The following ATP1A3 variants were observed in gnomAD, a reference collection of about 807,000 sequenced individuals.
The protein encoded by ATP1A3 is sodium/potassium-transporting ATPase subunit alpha-3.
ATP1A3 carries 12 observed loss-of-function variants against 108.8 expected under a neutral mutation model. The ratio of observed to expected loss-of-function variants is 0.11; its 90% CI spans 0.07 to 0.18. The LOEUF (loss-of-function observed/expected upper bound fraction) is 0.18. ATP1A3 is among the 10% of genes least tolerant of loss of function. The pLI is 1.00. For missense variants in ATP1A3, 498 were observed against 1,387.7 expected (o/e 0.36, Z 10.19); for synonymous variants, 539 against 564.5 (o/e 0.95, Z 0.64).
chr19:41,967,559 G>C lies in ATP1A3; in HGVS notation c.2921+103C>G, dbSNP rs2075057006. On this transcript the variant is annotated intron_variant, in intron 21 of 22. Coordinates refer to ENST00000648268, the MANE Select transcript of ATP1A3 (RefSeq NM_152296.5). The surrounding 1 kb of genome is among the most constrained non-coding windows in gnomAD (Gnocchi z 4.2). ...GGGGCATCAGAATGGGGACTGCAGT[G>C]GGGACACCAGGGGAGGTGGGGCCTG... The C allele has an allele frequency of 8.5e-6, 11 of 1,295,436 alleles. No homozygotes were observed. The highest frequency in any genetic ancestry group is 1.2e-5 in the Non-Finnish European group (11 of 916,878). The allele number at this position is 1,295,436 out of a possible 1,614,324, so 80.2% of individuals were successfully genotyped here.
At chr19:41,970,570 C>T (rs199858430) in intron 16 of ATP1A3, 28 bp from the exon 17 acceptor site, 53 of 1,610,850 alleles carry the variant, frequency 3.3e-5, no homozygotes, top group South Asian at 8.8e-5. Flanking sequence ...TCAGAGCAGG[C>T]GCCCATGCCA....
At position 41,975,201 on chromosome 19, in the gene ATP1A3, G is replaced by A. The variant is rs535655132; in HGVS notation, c.2263+428C>T. ...CGAGTAGCTGGGACTACAGGCAACCGCCACAATGCCCGGCTAATTTTTTGT... is the reference window on the plus strand; with the variant it reads ...CGAGTAGCTGGGACTACAGGCAACCACCACAATGCCCGGCTAATTTTTTGT... On this transcript the variant is annotated intron_variant, in intron 16 of 22. Coordinates refer to ENST00000648268, the MANE Select transcript of ATP1A3 (RefSeq NM_152296.5). Among the ~76,000 whole-genome samples, 14 of 152,268 alleles carry A rather than the reference G, an allele frequency of 9.2e-5. No individual in the cohort carries two copies. The East Asian group carries it at 2.1e-3, about 23-fold the overall frequency.
intron 16 of ATP1A3, among the ~76,000 whole-genome samples, chr19:41,971,623 A>G (rs2075110760): frequency 1.3e-5 from 2 of 152,184 alleles, no homozygotes; most frequent in African/African-American, 4.8e-5. Flanking sequence ...TCCCGTGCTG[A>G]GTGACACGAG....
At chr19:41,970,832 C>T (rs950481337) in intron 16 of ATP1A3, among the ~76,000 whole-genome samples, 7 of 151,784 alleles carry the variant, frequency 4.6e-5, no homozygotes, top group African/African-American at 1.5e-4. Context: ...CGGGGTTTCA[C>T]TGTGTTAGCC....
intron 8 of ATP1A3, among the ~76,000 whole-genome samples, chr19:41,982,898 G>C (rs1238533852): frequency 1.3e-5 from 2 of 152,088 alleles, no homozygotes; most frequent in Non-Finnish European, 2.9e-5. Context: ...GGGTTGGGGG[G>C]CAGGGGCTAA....
chr19:41,984,661 T>G, intron 8 of ATP1A3: 2 of 457,478 alleles, frequency 4.4e-6, no homozygotes, highest in East Asian at 3.5e-5. Context: ...CTTTCTTTGA[T>G]TGTTTGCTTT....
At chr19:41,971,020 A>G (rs1477333365) in intron 16 of ATP1A3, among the ~76,000 whole-genome samples, 2 of 151,436 alleles carry the variant, frequency 1.3e-5, no homozygotes, top group Non-Finnish European at 2.9e-5. Flanking sequence ...GCTGCAGTGC[A>G]GTGGCATGAT....
At chr19:41,993,851 G>T (rs1555868143) in intron 1 of ATP1A3, 1 of 840,102 alleles carries the variant, frequency 1.2e-6, no homozygotes, top group African/African-American at 1.8e-5. Context: ...CAACCTCGCG[G>T]ATCTCCGCAC....
At position 41,978,558 on chromosome 19, in the gene ATP1A3, C is replaced by A; in HGVS notation, c.1630+48G>T. 1 of 1,607,014 alleles carries A rather than the reference C, an allele frequency of 6.2e-7. No individual in the cohort carries two copies. Among genetic ancestry groups the A allele is most frequent in the Non-Finnish European group, 8.5e-7 (1 of 1,179,092 alleles). On this transcript the variant is annotated intron_variant, in intron 12 of 22. Transcript: ENST00000648268. The surrounding 1 kb of genome is among the most constrained non-coding windows in gnomAD (Gnocchi z 8.3). ...AGACAGGCTTTGGGCAGCATCACAACCCTCCTTGCCCTCCAGGGACCCCAG... is the reference window on the plus strand; with the variant it reads ...AGACAGGCTTTGGGCAGCATCACAAACCTCCTTGCCCTCCAGGGACCCCAG...
chr19:41,977,995 G>A lies in ATP1A3; in HGVS notation c.1884C>T (p.Asn628=), dbSNP rs144130986. Reference sequence around the variant, plus strand: ...GGGCGGCGATGTCCTCCACAGTCTCGTTGCCCTCAGAGATGATGCCCACAC... The same window carrying A: ...GGGCGGCGATGTCCTCCACAGTCTCATTGCCCTCAGAGATGATGCCCACAC... ...AKGVGIISEG[N]ETVEDIAARL... is the part of the protein sequence containing the mutation. Residue 628 remains asparagine, a synonymous_variant, in exon 14 of 23, where the codon AAC becomes AAT. Coordinates refer to ENST00000648268, the MANE Select transcript of ATP1A3 (RefSeq NM_152296.5). 23 of 1,614,250 alleles carry A rather than the reference G, an allele frequency of 1.4e-5. No homozygotes were observed. Among genetic ancestry groups the A allele is most frequent in the East Asian group, 1.3e-4 (6 of 44,890 alleles).
rs2075304156 is a variant in ATP1A3, at chr19:41,988,199, C to T, written c.154-60G>A. On this transcript the variant is annotated intron_variant, in intron 3 of 22. Coordinates refer to ENST00000648268, the MANE Select transcript of ATP1A3 (RefSeq NM_152296.5). The surrounding 1 kb of genome is among the most constrained non-coding windows in gnomAD (Gnocchi z 5.3). ...GGGCAACCCTGGCACCCCAGGCCTTCACCAGACCCCCAGAACTTAAGACAC... is the reference window on the plus strand; with the variant it reads ...GGGCAACCCTGGCACCCCAGGCCTTTACCAGACCCCCAGAACTTAAGACAC... The T allele has an allele frequency of 6.2e-7, 1 of 1,612,728 alleles. No homozygotes were observed. Among genetic ancestry groups the T allele is most frequent in the African/African-American group, 1.3e-5 (1 of 74,994 alleles).
At position 41,978,175 on chromosome 19, in the gene ATP1A3, G is replaced by C; in HGVS notation, c.1782C>G (p.Gly594=). 1 of 1,614,190 alleles carries C rather than the reference G, an allele frequency of 6.2e-7. No individual in the cohort carries two copies. The highest frequency in any genetic ancestry group is 8.5e-7 in the Non-Finnish European group (1 of 1,180,044). Residue 594 remains glycine, a synonymous_variant, in exon 13 of 23, where the codon GGC becomes GGG. Coordinates refer to ENST00000648268, the MANE Select transcript of ATP1A3 (RefSeq NM_152296.5). The surrounding 1 kb of genome is among the most constrained non-coding windows in gnomAD (Gnocchi z 8.3). The part of the protein sequence containing the change: ...PPRAAVPDAV[G]KCRSAGIKVI... Reference sequence around the variant, plus strand: ...CCTTGATGCCTGCGCTGCGACACTTGCCCACCGCGTCAGGGACGGCTGCCC... The same window carrying C: ...CCTTGATGCCTGCGCTGCGACACTTCCCCACCGCGTCAGGGACGGCTGCCC...
chr19:41,977,099 C>T (rs1225770660), intron 14 of ATP1A3, among the ~76,000 whole-genome samples: 1 of 151,474 alleles, frequency 6.6e-6, no homozygotes, highest in Non-Finnish European at 1.5e-5. Context: ...TGAGCCACTG[C>T]GCCCAGCCAA....
At chr19:41,987,300 C>G (rs2075295842) in intron 4 of ATP1A3, among the ~76,000 whole-genome samples, 1 of 152,082 alleles carries the variant, frequency 6.6e-6, no homozygotes, top group African/African-American at 2.4e-5. Context: ...TCTCTGTCAC[C>G]AGGTTATGCC....
At position 41,977,101 on chromosome 19, in the gene ATP1A3, C is replaced by T. The variant is rs190985740; in HGVS notation, c.1944-535G>A. Among the ~76,000 whole-genome samples, 57 of 151,682 alleles carry T rather than the reference C, an allele frequency of 3.8e-4. 1 individual carries two copies. The East Asian group carries it at 9.7e-3, about 26-fold the overall frequency. On this transcript the variant is annotated intron_variant, in intron 14 of 22. Coordinates refer to ENST00000648268, the MANE Select transcript of ATP1A3 (RefSeq NM_152296.5). ...GGGATTACAGGCGTGAGCCACTGCG[C>T]CCAGCCAAGACACAGTGGATTCAGA...
rs1477168710 is a variant in ATP1A3, at chr19:41,968,015, C to G, written c.2820-252G>C. Among the ~76,000 whole-genome samples the G allele has an allele frequency of 7.7e-6, 1 of 130,554 alleles. No homozygotes were observed. Among genetic ancestry groups the G allele is most frequent in the African/African-American group, 3.1e-5 (1 of 32,410 alleles). 85.6% of individuals were successfully genotyped at this position (130,554 alleles called of 152,430 possible). On this transcript the variant is annotated intron_variant, in intron 20 of 22. Transcript: ENST00000648268. The surrounding 1 kb of genome is among the most constrained non-coding windows in gnomAD (Gnocchi z 5.0). ...GGACAGACACAGAGACAGGGACAGA[C>G]ACAGAGACAGACAGGGACAGACAGA...
In ATP1A3 at chr19:41,981,345, G is replaced by A. The variant is rs1227602837; in HGVS notation, c.1437+157C>T. Reference sequence around the variant, plus strand: ...CAGCGTCTCACTCCAACAGAGATCCGGCTCCCACTCTCAAGCTCTCCCTGT... The same window carrying A: ...CAGCGTCTCACTCCAACAGAGATCCAGCTCCCACTCTCAAGCTCTCCCTGT... On this transcript the variant is annotated intron_variant, in intron 11 of 22. Transcript: ENST00000648268. This position sits in a 1 kb window ranked among gnomAD's most constrained non-coding sequence, Gnocchi z 5.0. 6.6e-6 allele frequency among the ~76,000 whole-genome samples: 1 copy of A among 151,852 alleles called. No individual in the cohort carries two copies. Among genetic ancestry groups the A allele is most frequent in the East Asian group, 1.9e-4 (1 of 5,156 alleles).
chr19:41,977,787 G>A (rs1008431358), intron 14 of ATP1A3, 149 bp downstream of exon 14: 118 of 1,183,556 alleles, frequency 1.0e-4, no homozygotes, highest in Middle Eastern at 2.9e-4. Flanking sequence ...TCCCCACACC[G>A]GAGGGAGGGC....
chr19:41,990,062 ACTTT>A (rs1555866820), intron 1 of ATP1A3, among the ~76,000 whole-genome samples: 1 of 151,866 alleles, frequency 6.6e-6, no homozygotes, highest in Non-Finnish European at 1.5e-5. Context: ...AAGGATCAGT[ACTTT>A]CTGTCTCTGT....
Sources: gnomAD v4.1 joint callset for allele counts (sites outside exome capture counted in the v4.1 genomes callset) on GRCh38, gnomAD v4.1.1 for gene constraint, Gnocchi (gnomAD v3.1) non-coding constraint, MANE v1.5 for transcripts, NCBI Gene and HGNC (gene_info 2026-07-23, HGNC 2026-07-21) for gene names.